ADCYAP1R1: variants seen among roughly 807,000 people sequenced by gnomAD.
ADCYAP1R1 encodes the protein ADCYAP receptor type I.
A neutral mutation model predicts 67.6 loss-of-function variants in ADCYAP1R1; 44 were observed. The observed-to-expected ratio is 0.65, with a 90% CI of 0.51 to 0.84. The LOEUF is 0.84. ADCYAP1R1 is among the 40% of genes least tolerant of loss of function. The pLI is 0.00. For synonymous variants in ADCYAP1R1, 222 were observed against 219.6 expected (o/e 1.01, Z -0.10); for missense variants, 477 against 587.9 (o/e 0.81, Z 1.95).
intron 13 of ADCYAP1R1, among the ~76,000 whole-genome samples, chr7:31,100,614 G>C (rs1796397997): frequency 6.6e-6 from 1 of 152,160 alleles, no homozygotes; most frequent in African/African-American, 2.4e-5. Context: ...CTTCACTCCA[G>C]TGTCCACAGC....
At chr7:31,068,983 T>C (rs143798737) in intron 3 of ADCYAP1R1, among the ~76,000 whole-genome samples, 85 of 152,302 alleles carry the variant, frequency 5.6e-4, no homozygotes, top group African/African-American at 2.0e-3. Context: ...CCTCTCATCA[T>C]ACCTGCAGCA....
At chr7:31,076,046 G>T (rs1231036963) in intron 3 of ADCYAP1R1, among the ~76,000 whole-genome samples, 1 of 152,184 alleles carries the variant, frequency 6.6e-6, no homozygotes, top group Non-Finnish European at 1.5e-5. Flanking sequence ...AATCATCTTT[G>T]GTTCTTCAAG....
At chr7:31,066,726 C>T (rs1394062346) in intron 3 of ADCYAP1R1, among the ~76,000 whole-genome samples, 3 of 152,132 alleles carry the variant, frequency 2.0e-5, no homozygotes, top group Non-Finnish European at 2.9e-5. Flanking sequence ...TTTAAAAGCT[C>T]CCCAGGCGAT....
chr7:31,072,211 A>G (rs1352396886), intron 3 of ADCYAP1R1, among the ~76,000 whole-genome samples: 1 of 152,200 alleles, frequency 6.6e-6, no homozygotes, highest in Non-Finnish European at 1.5e-5. Context: ...CAGCAGAGGT[A>G]GGAGGTGGAG....
chr7:31,076,833 A>T (rs984708906), intron 3 of ADCYAP1R1, among the ~76,000 whole-genome samples: 1 of 151,988 alleles, frequency 6.6e-6, no homozygotes, highest in Non-Finnish European at 1.5e-5. Context: ...GAGGGGGTGG[A>T]TCTGAAGTGG....
intron 3 of ADCYAP1R1, among the ~76,000 whole-genome samples, chr7:31,074,367 C>T (rs368616846): frequency 1.2e-3 from 181 of 152,306 alleles, no homozygotes; most frequent in African/African-American, 4.2e-3. Context: ...CATAGATGGT[C>T]CCTGGCACAA....
chr7:31,074,621 TG>T (rs1206567869), intron 3 of ADCYAP1R1, among the ~76,000 whole-genome samples: 1 of 152,234 alleles, frequency 6.6e-6, no homozygotes, highest in Non-Finnish European at 1.5e-5. Context: ...GGCTGGGGCA[TG>T]GGCCAGACGC....
chr7:31,084,401 G>A (rs2128629915), intron 7 of ADCYAP1R1, 151 bp downstream of exon 7: 3 of 670,088 alleles, frequency 4.5e-6, no homozygotes, highest in Non-Finnish European at 7.8e-6. Context: ...ACTCTTACAG[G>A]ATACTGGAAT....
At chr7:31,055,807 C>T (rs913850534) in intron 1 of ADCYAP1R1, among the ~76,000 whole-genome samples, 10 of 152,212 alleles carry the variant, frequency 6.6e-5, no homozygotes, top group African/African-American at 9.6e-5. Context: ...TAGGATGCTT[C>T]GCTCCATTCT....
intron 14 of ADCYAP1R1, 140 bp downstream of exon 14, chr7:31,103,506 G>A (rs946941171): frequency 8.1e-7 from 1 of 1,227,366 alleles, no homozygotes; most frequent in South Asian, 1.5e-5. Context: ...CCTGTCTGCT[G>A]TCTACCCTTA....
intron 1 of ADCYAP1R1, among the ~76,000 whole-genome samples, chr7:31,055,333 G>A (rs962574899): frequency 1.5e-5 from 1 of 68,768 alleles, no homozygotes; most frequent in Non-Finnish European, 3.1e-5. Flanking sequence ...AGGAAAGTGT[G>A]TGTGTGTGTG....
At position 31,071,069 on chromosome 7, in the gene ADCYAP1R1, T is replaced by C. The variant is rs943266008; in HGVS notation, c.157+6133T>C. Among the ~76,000 whole-genome samples, 15 of 152,348 alleles carry C rather than the reference T, an allele frequency of 9.8e-5. No individual in the cohort carries two copies. The East Asian group carries it at 2.9e-3, about 29-fold the overall frequency. On this transcript the variant is annotated intron_variant, in intron 3 of 15. Transcript: ENST00000304166. ...TAAAATGGGGACCTTGTTCTAACAA[T>C]ACCTGGGCATCCTCAGGTGGCTTCT... is the stretch of plus-strand genomic sequence containing the variant.
chr7:31,081,883 C>CT (rs961045086), intron 6 of ADCYAP1R1, 129 bp downstream of exon 6: 35 of 654,538 alleles, frequency 5.3e-5, no homozygotes, highest in Admixed American at 8.7e-5. Flanking sequence ...TGGCAGGTGA[C>CT]TTTTTTTCTC....
chr7:31,100,312 C>A, intron 13 of ADCYAP1R1: 1 of 1,169,882 alleles, frequency 8.5e-7, no homozygotes, highest in Non-Finnish European at 1.2e-6. Flanking sequence ...CAGCCTCTGC[C>A]TCCCAGCCCC....
intron 13 of ADCYAP1R1, among the ~76,000 whole-genome samples, chr7:31,096,856 T>A (rs1796216680): frequency 1.3e-5 from 2 of 151,076 alleles, no homozygotes; most frequent in South Asian, 2.1e-4. Context: ...GACCGCCAAG[T>A]GGCCAGCACC....
chr7:31,103,998 G>A (rs1193358971), intron 14 of ADCYAP1R1, among the ~76,000 whole-genome samples: 2 of 152,204 alleles, frequency 1.3e-5, no homozygotes, highest in Non-Finnish European at 2.9e-5. Flanking sequence ...CCCTAAGCCA[G>A]CTGTTTGAAT....
chr7:31,103,951 G>A (rs1461213770), intron 14 of ADCYAP1R1, among the ~76,000 whole-genome samples: 2 of 152,194 alleles, frequency 1.3e-5, no homozygotes, highest in Non-Finnish European at 2.9e-5. Flanking sequence ...TGAAGGCAGG[G>A]GCAGCTCCCT....
chr7:31,105,199 T>A (rs1330645771), intron 15 of ADCYAP1R1, among the ~76,000 whole-genome samples: 1 of 152,134 alleles, frequency 6.6e-6, no homozygotes, highest in Non-Finnish European at 1.5e-5. Flanking sequence ...TGAGCGCAGA[T>A]CTCCCTGGGA....
chr7:31,064,987 A>T (rs778843876), intron 3 of ADCYAP1R1, 51 bp downstream of exon 3: 4 of 1,427,396 alleles, frequency 2.8e-6, no homozygotes, highest in Non-Finnish European at 3.8e-6. Flanking sequence ...AGCTTTTAGA[A>T]CTGTTTTCCT....
Sources: allele counts gnomAD v4.1 joint callset (sites outside exome capture counted in the v4.1 genomes callset), GRCh38; gene constraint gnomAD v4.1.1; transcripts MANE v1.5; gene names NCBI Gene and HGNC (gene_info 2026-07-23, HGNC 2026-07-21).